ADAR: variants seen among roughly 807,000 people sequenced by gnomAD.
ADAR encodes the protein adenosine deaminase RNA specific, also known as double-stranded RNA-specific adenosine deaminase.
A neutral mutation model predicts 113.2 loss-of-function variants in ADAR; 41 were observed. The ratio of observed to expected loss-of-function variants is 0.36; its 90% CI spans 0.28 to 0.47. The LOEUF is 0.47. Ranked by LOEUF, ADAR falls within the 20% of genes least tolerant of loss-of-function variation. The pLI is 1.00. For missense variants in ADAR, 1,242 were observed against 1,540.9 expected (o/e 0.81, Z 3.25); for synonymous variants, 605 against 572.6 (o/e 1.06, Z -0.81).
chr1:154,627,914 A>AC, exon 1 of ADAR: 1 of 463,318 alleles, frequency 2.2e-6, no homozygotes, highest in Non-Finnish European at 4.2e-6. Flanking sequence ...TGCGGCCGCG[A>AC]CCCTCCCCCC....
chr1:154,619,934 AC>A (rs767203563), intron 1 of ADAR, among the ~76,000 whole-genome samples: 63 of 152,308 alleles, frequency 4.1e-4, no homozygotes, highest in African/African-American at 1.3e-3. Flanking sequence ...CTGGGTACTT[AC>A]CCAAGAAAAA....
upstream of ADAR, among the ~76,000 whole-genome samples, chr1:154,611,229 C>T (rs1195954286): frequency 6.6e-6 from 1 of 152,128 alleles, no homozygotes; most frequent in African/African-American, 2.4e-5. Context: ...AACTACTGTG[C>T]GAGGGAAGCT....
At position 154,590,252 on chromosome 1, in the gene ADAR, C is replaced by A. The variant is rs765408280; in HGVS notation, c.2428G>T (p.Val810Leu). 1 of 1,613,744 alleles carries A rather than the reference C, an allele frequency of 6.2e-7. No individual in the cohort carries two copies. The highest frequency in any genetic ancestry group is 1.7e-5 in the Admixed American group (1 of 59,980). Residue 810 changes from valine to leucine, a missense_variant, in exon 7 of 15, where the codon GTG (valine) becomes TTG (leucine). Transcript: ENST00000368474. ...GTTCTTCTGAGACTGGCCCCTGTCA[C>A]TGGGGTTACCTCTGTGAAACCCATG... is the stretch of plus-strand genomic sequence containing the variant. ...ERMGFTEVTP[V>L]TGASLRRTML... is the part of the protein sequence containing the mutation.
chr1:154,618,848 G>T (rs1281194436), intron 1 of ADAR, among the ~76,000 whole-genome samples: 1 of 152,172 alleles, frequency 6.6e-6, no homozygotes, highest in Non-Finnish European at 1.5e-5. Context: ...GGTGGCTTAT[G>T]CCTGTAATCT....
chr1:154,585,707 T>G (rs1301603233), intron 13 of ADAR, 46 bp downstream of exon 13: 1 of 1,513,748 alleles, frequency 6.6e-7, no homozygotes, highest in South Asian at 1.1e-5. Flanking sequence ...CATGACTGCT[T>G]GAAAAGGAGG....
intron 1 of ADAR, among the ~76,000 whole-genome samples, chr1:154,623,359 T>C (rs1413679005): frequency 1.3e-5 from 2 of 152,026 alleles, no homozygotes; most frequent in African/African-American, 4.8e-5. Context: ...GAGTCAAAGT[T>C]TGATGGACAA....
chr1:154,619,583 G>A (rs937595500), intron 1 of ADAR, among the ~76,000 whole-genome samples: 4 of 152,046 alleles, frequency 2.6e-5, no homozygotes, highest in African/African-American at 9.7e-5. Flanking sequence ...TAATAATAAA[G>A]CATGTATCAC....
chr1:154,618,925 C>T (rs1469831091), intron 1 of ADAR, among the ~76,000 whole-genome samples: 3 of 152,186 alleles, frequency 2.0e-5, no homozygotes, highest in African/African-American at 7.2e-5. Flanking sequence ...GCCTGGCCAA[C>T]ATGGCGAAAC....
Position 154,598,504 on chromosome 1 carries a change from T to G in ADAR, c.1683A>C (p.Ala561=). 6.2e-7 allele frequency: 1 copy of G among 1,614,232 alleles called. No individual in the cohort carries two copies. The highest frequency in any genetic ancestry group is 8.5e-7 in the Non-Finnish European group (1 of 1,180,030). ...AGSKKVAKQD[A]AMKAMTILLE... is the part of the protein sequence containing the mutation. ...GCAGAATTGTCATGGCTTTCATAGC[T>G]GCATCCTGCTTGGCCACTTTCTTGC... The change falls in exon 3 of 15, where the codon GCA becomes GCC. Residue 561 remains alanine, a synonymous_variant. Transcript: ENST00000368474.
At chr1:154,593,699 G>T (rs1281982928) in intron 6 of ADAR, among the ~76,000 whole-genome samples, 1 of 152,190 alleles carries the variant, frequency 6.6e-6, no homozygotes, top group Non-Finnish European at 1.5e-5. Context: ...GTGGGCAGAT[G>T]TGTGTTCTAA....
Position 154,602,335 on chromosome 1 carries a change from C to G in ADAR, c.307G>C (p.Gly103Arg), listed in dbSNP as rs1248454035. Reference sequence around the variant, plus strand: ...GGATGCTGGAACCCTCTCTGGAGCCCCTGACTTCTGAGATGCACGCCCCTG... The same window carrying G: ...GGATGCTGGAACCCTCTCTGGAGCCGCTGACTTCTGAGATGCACGCCCCTG... Reference protein sequence around the residue: ...VPRGVHLRSQGLQRGFQHPSP... With the variant: ...VPRGVHLRSQRLQRGFQHPSP... Residue 103 changes from glycine to arginine, a missense_variant, in exon 2 of 15, where the codon GGG becomes CGG. Physicochemically the swap from Gly to Arg is moderately radical, Grantham distance 125. Around this residue, in one of 2 missense-constraint regions of ADAR, gnomAD observed 462 missense variants for 483.1 expected, o/e 0.96. Transcript: ENST00000368474. 7.4e-6 allele frequency: 12 copies of G among 1,611,364 alleles called. No individual in the cohort carries two copies. Among genetic ancestry groups the G allele is most frequent in the African/African-American group, 2.7e-5 (2 of 74,848 alleles).
chr1:154,612,235 G>A (rs1178430111), upstream of ADAR, among the ~76,000 whole-genome samples: 2 of 150,664 alleles, frequency 1.3e-5, no homozygotes, highest in Non-Finnish European at 2.9e-5. Context: ...CTCATACAGT[G>A]ATACTGGGAC....
chr1:154,613,005 G>A (rs1038128622), upstream of ADAR, among the ~76,000 whole-genome samples: 12 of 151,660 alleles, frequency 7.9e-5, no homozygotes, highest in African/African-American at 2.4e-4. Context: ...TAGAGACGGC[G>A]TTTCACCGTG....
upstream of ADAR, among the ~76,000 whole-genome samples, chr1:154,610,113 C>T (rs909950847): frequency 1.3e-5 from 2 of 152,174 alleles, no homozygotes; most frequent in African/African-American, 4.8e-5. Context: ...AGTATAGCTA[C>T]AGTGAGCTAC....
At position 154,602,228 on chromosome 1, in the gene ADAR, A is replaced by C; in HGVS notation, c.414T>G (p.Asp138Glu). 6.2e-7 allele frequency: 1 copy of C among 1,613,988 alleles called. No individual in the cohort carries two copies. Among genetic ancestry groups the C allele is most frequent in the Non-Finnish European group, 8.5e-7 (1 of 1,179,996 alleles). ...SHFQELSIYQDQEQRILKFLE... is the reference protein window; with the variant it reads ...SHFQELSIYQEQEQRILKFLE... ...GGAACTTTAAGATCCTTTGTTCCTG[A>C]TCTTGGTAGATACTCAGTTCCTGGA... is the stretch of plus-strand genomic sequence containing the variant. Residue 138 changes from aspartate to glutamate, a missense_variant, in exon 2 of 15, where the codon GAT becomes GAG. Around this residue, in one of 2 missense-constraint regions of ADAR, gnomAD observed 462 missense variants for 483.1 expected, o/e 0.96. Coordinates refer to ENST00000368474, the MANE Select transcript of ADAR (RefSeq NM_001111.5).
chr1:154,595,012 C>G (rs1295517262), intron 6 of ADAR, among the ~76,000 whole-genome samples: 3 of 152,122 alleles, frequency 2.0e-5, no homozygotes, highest in African/African-American at 4.8e-5. Flanking sequence ...ACAGGGGCCC[C>G]GTAAGATTAT....
At chr1:154,603,284 G>A (rs889347997) in intron 1 of ADAR, among the ~76,000 whole-genome samples, 2 of 152,218 alleles carry the variant, frequency 1.3e-5, no homozygotes, top group African/African-American at 4.8e-5. Flanking sequence ...CGGGACCTCA[G>A]AGTCATCTCT....
At chr1:154,596,207 T>A (rs9427097) in intron 6 of ADAR, among the ~76,000 whole-genome samples, 1 of 152,120 alleles carries the variant, frequency 6.6e-6, no homozygotes, top group Middle Eastern at 3.2e-3. Context: ...GAGACGGAAA[T>A]GAGACTTTTC....
rs993352157 is a variant in ADAR, at chr1:154,593,177, T to C, written c.2271-2768A>G. On this transcript the variant is annotated intron_variant, in intron 6 of 14. Coordinates refer to ENST00000368474, the MANE Select transcript of ADAR (RefSeq NM_001111.5). Reference sequence around the variant, plus strand: ...AAAAACAGAAAAGAAGTCATAAAATTAGTTAACGTCACCAGCCACAGTAGA... The same window carrying C: ...AAAAACAGAAAAGAAGTCATAAAATCAGTTAACGTCACCAGCCACAGTAGA... Among the ~76,000 whole-genome samples the C allele has an allele frequency of 2.2e-5, 3 of 136,664 alleles. No individual in the cohort carries two copies. In the Admixed American group the frequency reaches 2.2e-4, roughly 10 times the overall value. The allele number at this position is 136,664 out of a possible 152,430, so 89.7% of individuals were successfully genotyped here. A position where few individuals can be genotyped will look rare whatever the true frequency, so the allele number is the denominator to read the frequency against.
Sources: gnomAD v4.1 joint callset for allele counts (sites outside exome capture counted in the v4.1 genomes callset) on GRCh38, gnomAD v4.1.1 for gene constraint, gnomAD v4.1.1 regional missense constraint, MANE v1.5 for transcripts, NCBI Gene and HGNC (gene_info 2026-07-23, HGNC 2026-07-21) for gene names.